Variants in SLC16A9 observed in about 807,000 individuals in gnomAD.
The protein encoded by SLC16A9 is monocarboxylate transporter 9.
A neutral mutation model predicts 44.3 loss-of-function variants in SLC16A9; 26 were observed. That is an observed-to-expected ratio of 0.59 (90% CI 0.43 to 0.81). The LOEUF is 0.81. Ranked by LOEUF, SLC16A9 falls within the 40% of genes least tolerant of loss-of-function variation. The pLI is 0.00. For synonymous variants in SLC16A9, 230 were observed against 225.1 expected (o/e 1.02, Z -0.19); for missense variants, 559 against 595.8 (o/e 0.94, Z 0.64).
chr10:59,663,917 G>A (rs985579765), intron 4 of SLC16A9, among the ~76,000 whole-genome samples: 1 of 151,020 alleles, frequency 6.6e-6, no homozygotes, highest in Non-Finnish European at 1.5e-5. Context: ...ACAATGATAG[G>A]TGTCCATGTA....
chr10:59,696,223 C>A (rs921383751), intron 1 of SLC16A9, among the ~76,000 whole-genome samples: 1 of 152,222 alleles, frequency 6.6e-6, no homozygotes, highest in African/African-American at 2.4e-5. Flanking sequence ...CCTGCCTCAG[C>A]CTGCCGAGTG....
intron 1 of SLC16A9, among the ~76,000 whole-genome samples, chr10:59,704,804 G>A (rs984711757): frequency 1.3e-5 from 2 of 152,160 alleles, no homozygotes; most frequent in Admixed American, 6.5e-5. Flanking sequence ...TAATAACACT[G>A]ACGTGTTCTT....
At chr10:59,681,694 A>ATG (rs1418812989) in intron 2 of SLC16A9, among the ~76,000 whole-genome samples, 5 of 47,026 alleles carry the variant, frequency 1.1e-4, no homozygotes, top group African/African-American at 5.4e-4. Flanking sequence ...GTATATGTAT[A>ATG]TATATATGTA....
chr10:59,697,971 A>AAC (rs1268829434), intron 1 of SLC16A9, among the ~76,000 whole-genome samples: 1 of 139,520 alleles, frequency 7.2e-6, no homozygotes, highest in Non-Finnish European at 1.6e-5. Flanking sequence ...GTAAAAAAAA[A>AAC]AACAAAAAAC....
At chr10:59,661,973 T>TA (rs1839484825) in intron 4 of SLC16A9, among the ~76,000 whole-genome samples, 1 of 152,032 alleles carries the variant, frequency 6.6e-6, no homozygotes, top group Non-Finnish European at 1.5e-5. Context: ...ACACCTTATA[T>TA]AAAAATTAAC....
intron 1 of SLC16A9, among the ~76,000 whole-genome samples, chr10:59,699,136 G>A (rs1367622302): frequency 6.6e-6 from 1 of 152,136 alleles, no homozygotes; most frequent in Non-Finnish European, 1.5e-5. Context: ...AACAGGCATG[G>A]GCCTGGCAGG....
At chr10:59,678,195 A>G (rs567367307) in intron 2 of SLC16A9, among the ~76,000 whole-genome samples, 3 of 151,916 alleles carry the variant, frequency 2.0e-5, no homozygotes, top group East Asian at 3.9e-4. Context: ...GAAACAGAAT[A>G]TAGTAGTAAC....
At chr10:59,706,650 C>CACACACACACACACAT (rs1426503455) in intron 1 of SLC16A9, among the ~76,000 whole-genome samples, 15 of 151,964 alleles carry the variant, frequency 9.9e-5, no homozygotes, top group African/African-American at 3.4e-4. Flanking sequence ...CACACACACA[C>CACACACACACACACAT]ACAATAGGAG....
intron 4 of SLC16A9, among the ~76,000 whole-genome samples, chr10:59,658,506 G>A (rs977437492): frequency 1.3e-5 from 2 of 152,206 alleles, no homozygotes; most frequent in Non-Finnish European, 2.9e-5. Flanking sequence ...AGTGACAGAA[G>A]AGGATTCAAA....
Position 59,652,754 on chromosome 10 carries a change from G to T in SLC16A9, c.*18C>A. 3 of 1,587,866 alleles carry T rather than the reference G, an allele frequency of 1.9e-6. No homozygotes were observed. The highest frequency in any genetic ancestry group is 1.7e-4 in the Middle Eastern group (1 of 5,910). On this transcript the variant is annotated 3_prime_UTR_variant, in exon 6 of 6. Transcript: ENST00000395348. ...TATATGGTATAAAATAGCAAAAATAGTGTCTTCCAATATTCTTCTAAACAT... is the reference window on the plus strand; with the variant it reads ...TATATGGTATAAAATAGCAAAAATATTGTCTTCCAATATTCTTCTAAACAT...
chr10:59,700,360 C>T (rs1447662161), intron 1 of SLC16A9, among the ~76,000 whole-genome samples: 3 of 152,190 alleles, frequency 2.0e-5, no homozygotes, highest in African/African-American at 7.2e-5. Flanking sequence ...TTCATCTTTG[C>T]ATTCTTCATA....
chr10:59,675,974 C>T (rs906710505), intron 2 of SLC16A9, among the ~76,000 whole-genome samples: 1 of 152,200 alleles, frequency 6.6e-6, no homozygotes, highest in Non-Finnish European at 1.5e-5. Flanking sequence ...CTAAAACTTG[C>T]CTTGGTCTCT....
chr10:59,664,323 C>A lies in SLC16A9; in HGVS notation c.341-1G>T, dbSNP rs745496648. ...GTGTATAATAAACCACATCCAAGAC[C>A]TAAGCATGAGAAGACATTGCATAAA... On this transcript the variant is annotated splice_acceptor_variant, in intron 3 of 5. Coordinates refer to ENST00000395348, the MANE Select transcript of SLC16A9 (RefSeq NM_194298.3). LOFTEE classifies it high-confidence loss of function. 6.2e-7 allele frequency: 1 copy of A among 1,602,974 alleles called. No individual in the cohort carries two copies. Among genetic ancestry groups the A allele is most frequent in the Non-Finnish European group, 8.5e-7 (1 of 1,173,338 alleles).
chr10:59,673,289 T>C (rs901627533), intron 2 of SLC16A9, among the ~76,000 whole-genome samples: 1 of 152,166 alleles, frequency 6.6e-6, no homozygotes, highest in East Asian at 1.9e-4. Flanking sequence ...ATGGGAATTA[T>C]AATAGTACCC....
chr10:59,680,675 T>C (rs979085116), intron 2 of SLC16A9, among the ~76,000 whole-genome samples: 1 of 152,094 alleles, frequency 6.6e-6, no homozygotes, highest in East Asian at 1.9e-4. Flanking sequence ...AAAAATCACT[T>C]TGGGGACTTT....
At chr10:59,699,861 G>A (rs951232969) in intron 1 of SLC16A9, among the ~76,000 whole-genome samples, 1 of 149,322 alleles carries the variant, frequency 6.7e-6, no homozygotes. Flanking sequence ...TTAGATACTT[G>A]GTTCTAGGTT....
intron 1 of SLC16A9, among the ~76,000 whole-genome samples, chr10:59,696,558 GC>G (rs1222078370): frequency 5.3e-5 from 8 of 151,388 alleles, no homozygotes; most frequent in Non-Finnish European, 1.2e-4. Context: ...TCTCTGCCTG[GC>G]CGCCCATCGT....
intron 1 of SLC16A9, among the ~76,000 whole-genome samples, chr10:59,689,886 A>C (rs1840215319): frequency 6.6e-6 from 1 of 152,204 alleles, no homozygotes; most frequent in South Asian, 2.1e-4. Flanking sequence ...ATTTCTTATT[A>C]TCCTCCCTTC....
intron 1 of SLC16A9, among the ~76,000 whole-genome samples, chr10:59,706,039 G>T (rs1316675684): frequency 6.6e-6 from 1 of 152,012 alleles, no homozygotes; most frequent in Non-Finnish European, 1.5e-5. Context: ...GTTCCAGCAG[G>T]CCTCTTTTCC....
Sources: gnomAD v4.1 joint callset for allele counts (sites outside exome capture counted in the v4.1 genomes callset) on GRCh38, gnomAD v4.1.1 for gene constraint, MANE v1.5 for transcripts, NCBI Gene and HGNC (gene_info 2026-07-23, HGNC 2026-07-21) for gene names.